The following CWC27 variants were observed in gnomAD, a reference collection of about 807,000 sequenced individuals.
CWC27 encodes CWC27 spliceosome associated cyclophilin, also known as spliceosome-associated protein CWC27 homolog.
In CWC27, 47 loss-of-function variants were observed where a neutral mutation model predicts 63.6. The observed-to-expected ratio is 0.74, with a 90% CI of 0.58 to 0.94. The LOEUF (loss-of-function observed/expected upper bound fraction) is 0.94, where lower values mean the gene tolerates loss of function less well. Ranked by LOEUF, CWC27 falls within the 40% of genes least tolerant of loss-of-function variation. The probability of loss-of-function intolerance (pLI) is 0.00; values close to 1 mark genes in which losing one functional copy is unlikely to be tolerated. For synonymous variants in CWC27, 175 were observed against 179.8 expected (o/e 0.97, Z 0.22); for missense variants, 495 against 554.3 (o/e 0.89, Z 1.07).
intron 4 of CWC27, among the ~76,000 whole-genome samples, chr5:64,784,923 A>G (rs930174809): frequency 1.3e-5 from 2 of 152,244 alleles, no homozygotes; most frequent in Non-Finnish European, 2.9e-5. Context: ...TTAAGTTGCC[A>G]TTCTGCATCA....
chr5:64,854,397 A>G (rs1191025207), intron 10 of CWC27, among the ~76,000 whole-genome samples: 4 of 152,362 alleles, frequency 2.6e-5, no homozygotes, highest in South Asian at 2.1e-4. Flanking sequence ...ATCGTTTTGC[A>G]TTCCCACCAT....
At chr5:65,015,715 A>G (rs266580) in intron 13 of CWC27, among the ~76,000 whole-genome samples, 57,667 of 151,990 alleles carry the variant, frequency 0.38, 11,336 homozygotes, top group Non-Finnish European at 0.44. Flanking sequence ...TGACTGGAGA[A>G]AAAAAGGCTT....
intron 1 of CWC27, among the ~76,000 whole-genome samples, chr5:64,770,031 A>G (rs1308689290): frequency 6.6e-6 from 1 of 152,242 alleles, no homozygotes; most frequent in Non-Finnish European, 1.5e-5. Flanking sequence ...ATATTGGAGA[A>G]AATGAGATTG....
At chr5:64,933,305 T>A (rs1748276207) in intron 11 of CWC27, among the ~76,000 whole-genome samples, 1 of 152,184 alleles carries the variant, frequency 6.6e-6, no homozygotes, top group Non-Finnish European at 1.5e-5. Flanking sequence ...AGAAACTGAC[T>A]TTCCACACTA....
At chr5:64,988,602 AT>A (rs34138527) in intron 13 of CWC27, among the ~76,000 whole-genome samples, 52,928 of 126,800 alleles carry the variant, frequency 0.42, 9,548 homozygotes, top group South Asian at 0.45. Flanking sequence ...CTGTTAGACT[AT>A]TTTTTTTTTT....
intron 10 of CWC27, among the ~76,000 whole-genome samples, chr5:64,816,541 G>A (rs1335015643): frequency 6.6e-6 from 1 of 152,104 alleles, no homozygotes; most frequent in Non-Finnish European, 1.5e-5. Context: ...CTGTCAGCCT[G>A]GCACACAGAT....
intron 10 of CWC27, among the ~76,000 whole-genome samples, chr5:64,855,852 C>T (rs1003984646): frequency 2.6e-5 from 4 of 152,052 alleles, no homozygotes; most frequent in Admixed American, 2.6e-4. Context: ...TTGGACATTT[C>T]CCCTCATACT....
intron 13 of CWC27, among the ~76,000 whole-genome samples, chr5:65,000,522 C>G (rs947426490): frequency 6.6e-6 from 1 of 151,938 alleles, no homozygotes; most frequent in African/African-American, 2.4e-5. Context: ...AGATGGAGGT[C>G]TAGTTTTATT....
chr5:65,012,707 A>G (rs1749984321), intron 13 of CWC27, among the ~76,000 whole-genome samples: 1 of 152,234 alleles, frequency 6.6e-6, no homozygotes, highest in South Asian at 2.1e-4. Flanking sequence ...AGTTCAAATA[A>G]TAGACTCAGA....
intron 13 of CWC27, among the ~76,000 whole-genome samples, chr5:65,000,880 A>G (rs925353205): frequency 3.3e-5 from 5 of 152,066 alleles, no homozygotes; most frequent in Non-Finnish European, 5.9e-5. Flanking sequence ...TGGTATTTTA[A>G]TAGGGATTGC....
At chr5:64,863,377 A>G (rs1305646296) in intron 10 of CWC27, among the ~76,000 whole-genome samples, 1 of 151,890 alleles carries the variant, frequency 6.6e-6, no homozygotes. Context: ...AAATACATTC[A>G]GGTATTTTGT....
intron 13 of CWC27, among the ~76,000 whole-genome samples, chr5:64,999,299 T>C (rs1749690931): frequency 1.3e-5 from 2 of 152,132 alleles, no homozygotes; most frequent in Non-Finnish European, 2.9e-5. Flanking sequence ...TTTTGATAGG[T>C]GGATACAATG....
At chr5:64,872,391 C>A (rs1327070761) in intron 10 of CWC27, among the ~76,000 whole-genome samples, 1 of 151,602 alleles carries the variant, frequency 6.6e-6, no homozygotes, top group East Asian at 1.9e-4. Context: ...GCCAAAAGTT[C>A]CTAAACGTGA....
At chr5:64,817,312 A>G (rs1340362045) in intron 10 of CWC27, among the ~76,000 whole-genome samples, 3 of 152,066 alleles carry the variant, frequency 2.0e-5, no homozygotes, top group Admixed American at 1.3e-4. Context: ...ATTTAAAACA[A>G]TTTGCCTCTA....
intron 10 of CWC27, among the ~76,000 whole-genome samples, chr5:64,852,429 A>C (rs2112298575): frequency 6.6e-6 from 1 of 152,274 alleles, no homozygotes; most frequent in Admixed American, 6.5e-5. Flanking sequence ...AGGGAGGGAC[A>C]AAAGAGCCAA....
At position 64,801,304 on chromosome 5, in the gene CWC27, A is replaced by G. The variant is rs766868055; in HGVS notation, c.752A>G (p.Glu251Gly). The G allele has an allele frequency of 7.1e-7, 1 of 1,408,378 alleles. No individual in the cohort carries two copies. The highest frequency in any genetic ancestry group is 2.4e-5 in the Admixed American group (1 of 42,464). The allele number at this position is 1,408,378 out of a possible 1,614,324, so 87.2% of individuals were successfully genotyped here. The change falls in exon 9 of 14, where the codon GAA (glutamate) becomes GGA (glycine). Residue 251 changes from glutamate to glycine, a missense_variant and splice_region_variant. By Grantham distance (98) the Glu-to-Gly change is moderately conservative. Coordinates refer to ENST00000381070, the MANE Select transcript of CWC27 (RefSeq NM_005869.4). ...HLSSVPVVESEKGDAPDLVDD... is the reference protein window; with the variant it reads ...HLSSVPVVESGKGDAPDLVDD... ...TGTTTTGCTTATTTTTTTTATAGTG[A>G]AAAAGGTGATGCACCAGATTTAGTT...
intron 10 of CWC27, among the ~76,000 whole-genome samples, chr5:64,856,246 T>A (rs769881728): frequency 5.3e-5 from 8 of 152,096 alleles, no homozygotes; most frequent in African/African-American, 1.9e-4. Context: ...ATACTTTTTT[T>A]AAATGGTAAT....
chr5:64,865,279 A>G (rs781510021), intron 10 of CWC27, among the ~76,000 whole-genome samples: 1 of 152,118 alleles, frequency 6.6e-6, no homozygotes, highest in Admixed American at 6.6e-5. Context: ...GATTTCATCA[A>G]ACTCACACAA....
rs544457919 is a variant in CWC27, at chr5:64,986,768, C to T, written c.1256+9530C>T. Among the ~76,000 whole-genome samples, 10 of 152,170 alleles carry T rather than the reference C, an allele frequency of 6.6e-5. No homozygotes were observed. In the South Asian group the frequency reaches 2.1e-3, roughly 32 times the overall value. On this transcript the variant is annotated intron_variant, in intron 13 of 13. Coordinates refer to ENST00000381070, the MANE Select transcript of CWC27 (RefSeq NM_005869.4). ...TTCCTGCAGTTCATTAAAATTACCA[C>T]TTAAGCATTCCTACCAGTTTATGGC...
Sources: allele counts gnomAD v4.1 joint callset (sites outside exome capture counted in the v4.1 genomes callset), GRCh38; gene constraint gnomAD v4.1.1; transcripts MANE v1.5; gene names NCBI Gene and HGNC (gene_info 2026-07-23, HGNC 2026-07-21).